Variants in UPF2 observed in about 807,000 individuals in gnomAD.
UPF2 encodes the protein UPF2 regulator of nonsense mediated mRNA decay.
Under a neutral mutation model 141.4 loss-of-function variants are expected in UPF2, and 17 were observed. The observed-to-expected ratio is 0.12, with a 90% CI of 0.08 to 0.18. UPF2 has a LOEUF of 0.18. Ranked by LOEUF, UPF2 falls within the 10% of genes least tolerant of loss-of-function variation. The pLI is 1.00. For synonymous variants in UPF2, 540 were observed against 498.0 expected (o/e 1.08, Z -1.12); for missense variants, 1,152 against 1,515.9 (o/e 0.76, Z 3.99).
chr10:12,036,844 G>A (rs1834634430), intron 1 of UPF2, among the ~76,000 whole-genome samples: 1 of 152,130 alleles, frequency 6.6e-6, no homozygotes, highest in South Asian at 2.1e-4. Context: ...TGACTAACAT[G>A]GAGAAATCTC....
intron 18 of UPF2, among the ~76,000 whole-genome samples, chr10:11,938,868 T>TTGTTTTTTGTTTTG (rs1832896411): frequency 1.1e-5 from 1 of 90,822 alleles, no homozygotes; most frequent in South Asian, 4.9e-4. Context: ...TTTTTTTTTT[T>TTGTTTTTTGTTTTG]TTTTTTTTTT....
intron 9 of UPF2, among the ~76,000 whole-genome samples, chr10:11,970,951 G>A (rs1833407149): frequency 5.3e-5 from 8 of 151,904 alleles, no homozygotes; most frequent in Admixed American, 5.2e-4. Flanking sequence ...TTCATCATCT[G>A]CTATGGAGTA....
chr10:11,998,581 G>T lies in UPF2; in HGVS notation c.1759-824C>A, dbSNP rs1466179816. ...TAAAAATCGCTCCTTGGATGGGCAC[G>T]GTGGCTCACACCTGTAATTCTAGCA... On this transcript the variant is annotated intron_variant, in intron 7 of 21. Transcript: ENST00000357604. The surrounding 1 kb of genome is among the most constrained non-coding windows in gnomAD (Gnocchi z 4.5). Among the ~76,000 whole-genome samples, 1 of 152,110 alleles carries T rather than the reference G, an allele frequency of 6.6e-6. No homozygotes were observed. The highest frequency in any genetic ancestry group is 2.4e-5 in the African/African-American group (1 of 41,428).
intron 9 of UPF2, among the ~76,000 whole-genome samples, chr10:11,974,750 C>T (rs1833478472): frequency 6.6e-6 from 1 of 152,116 alleles, no homozygotes; most frequent in African/African-American, 2.4e-5. Flanking sequence ...GGCGGATAAG[C>T]TTTTTGATGT....
chr10:12,022,997 T>A (rs894886018), intron 3 of UPF2, among the ~76,000 whole-genome samples: 2 of 152,126 alleles, frequency 1.3e-5, no homozygotes, highest in Admixed American at 6.6e-5. Flanking sequence ...GAGAAACTTG[T>A]TACCACTTCC....
In UPF2 at chr10:11,935,428, G is replaced by T. The variant is rs1194517272; in HGVS notation, c.3546+1117C>A. 6.6e-6 allele frequency among the ~76,000 whole-genome samples: 1 copy of T among 152,136 alleles called. No individual in the cohort carries two copies. The highest frequency in any genetic ancestry group is 1.5e-5 in the Non-Finnish European group (1 of 68,034). On this transcript the variant is annotated intron_variant, in intron 19 of 21. Coordinates refer to ENST00000357604, the MANE Select transcript of UPF2 (RefSeq NM_015542.4). This position sits in a 1 kb window ranked among gnomAD's most constrained non-coding sequence, Gnocchi z 4.9. ...ATTGGACTTGTCTAAGATAACTGTG[G>T]CAGCTACCATATGCAACAAAATCTA...
At chr10:12,035,034 C>T (rs778291826) in intron 2 of UPF2, 25 bp downstream of exon 2, 2 of 1,532,724 alleles carry the variant, frequency 1.3e-6, no homozygotes, top group South Asian at 1.3e-5. Context: ...TCCCTCACAT[C>T]AATAAATACA....
chr10:11,956,262 G>T lies in UPF2; in HGVS notation c.2574+58C>A. On this transcript the variant is annotated intron_variant, in intron 13 of 21. Transcript: ENST00000357604. This position sits in a 1 kb window ranked among gnomAD's most constrained non-coding sequence, Gnocchi z 4.2. The stretch of plus-strand genomic sequence containing the variant: ...TAACTTGAGTCTCAATAGTAACCTA[G>T]AAATAATAAATTCTCCACGAATTCC... 1 of 1,517,478 alleles carries T rather than the reference G, an allele frequency of 6.6e-7. No homozygotes were observed. The highest frequency in any genetic ancestry group is 2.3e-5 in the East Asian group (1 of 44,342). 94.0% of individuals were successfully genotyped at this position (1,517,478 alleles called of 1,614,324 possible).
rs1469981713 is a variant in UPF2, at chr10:11,921,115, T to C, written c.*183A>G. The C allele has an allele frequency of 2.4e-6, 2 of 841,616 alleles. No individual in the cohort carries two copies. Among genetic ancestry groups the C allele is most frequent in the African/African-American group, 1.7e-5 (1 of 60,340 alleles). The allele number at this position is 841,616 out of a possible 1,614,324, so 52.1% of individuals were successfully genotyped here. On this transcript the variant is annotated 3_prime_UTR_variant, in exon 22 of 22. Coordinates refer to ENST00000357604, the MANE Select transcript of UPF2 (RefSeq NM_015542.4). The surrounding 1 kb of genome is among the most constrained non-coding windows in gnomAD (Gnocchi z 5.9). ...TTCCGCCTTGTCTGGAAGCGTCGGC[T>C]TGTTCCGGTGTTGGCAGAGGCTGGT...
intron 18 of UPF2, among the ~76,000 whole-genome samples, chr10:11,938,316 A>G (rs921184254): frequency 6.6e-6 from 1 of 152,012 alleles, no homozygotes; most frequent in Non-Finnish European, 1.5e-5. Context: ...TTTTTTTTAA[A>G]TGATCCTTCC....
At chr10:12,024,688 T>C (rs575853847) in intron 3 of UPF2, among the ~76,000 whole-genome samples, 1 of 152,004 alleles carries the variant, frequency 6.6e-6, no homozygotes, top group East Asian at 1.9e-4. Context: ...ATCCCAACAC[T>C]TTGGGAGGCC....
intron 1 of UPF2, among the ~76,000 whole-genome samples, chr10:12,039,246 A>C (rs1834691737): frequency 6.6e-6 from 1 of 152,196 alleles, no homozygotes; most frequent in Non-Finnish European, 1.5e-5. Flanking sequence ...CTGGTGACAG[A>C]ATGGGAATCT....
chr10:11,994,560 A>G (rs1250286502), intron 8 of UPF2, among the ~76,000 whole-genome samples: 3 of 152,216 alleles, frequency 2.0e-5, no homozygotes, highest in Admixed American at 1.3e-4. Flanking sequence ...ATTTTGAGCT[A>G]TAGAGCCTTA....
At position 11,997,756 on chromosome 10, in the gene UPF2, G is replaced by A; in HGVS notation, c.1760C>T (p.Ala587Val). The change falls in exon 8 of 22, where the codon GCA (alanine) becomes GTA (valine). Residue 587 changes from alanine to valine, a missense_variant and splice_region_variant. By Grantham distance (64) the Ala-to-Val change is moderately conservative. Around this residue, in one of 4 missense-constraint regions of UPF2, gnomAD observed 739 missense variants for 1,032.2 expected, o/e 0.72. Transcript: ENST00000357604. ...NCVNRDLIDK[A>V]AMDFCMNMNT... ...CATGTTCATGCAAAAATCCATTGCT[G>A]CCTATTGGGAAAAAGTAAACTTTTT... 1 of 1,613,600 alleles carries A rather than the reference G, an allele frequency of 6.2e-7. No individual in the cohort carries two copies. Among genetic ancestry groups the A allele is most frequent in the Non-Finnish European group, 8.5e-7 (1 of 1,179,758 alleles).
At chr10:11,976,497 C>T (rs976788655) in intron 9 of UPF2, among the ~76,000 whole-genome samples, 3 of 152,090 alleles carry the variant, frequency 2.0e-5, no homozygotes, top group Admixed American at 2.0e-4. Context: ...ATGGGAAATA[C>T]AGAAGCAGAT....
rs758077264 is a variant in UPF2 at position 11,980,720 on chromosome 10, C to T, written c.1845-1555G>A. ...TGCAATCCAGCCTGGGCAACAAGAGCGAAACTCCATCTCAAAAAAAGATTA... is the reference window on the plus strand; with the variant it reads ...TGCAATCCAGCCTGGGCAACAAGAGTGAAACTCCATCTCAAAAAAAGATTA... On this transcript the variant is annotated intron_variant, in intron 8 of 21. Transcript: ENST00000357604. This position sits in a 1 kb window ranked among gnomAD's most constrained non-coding sequence, Gnocchi z 4.2. Among the ~76,000 whole-genome samples, 3 of 151,830 alleles carry T rather than the reference C, an allele frequency of 2.0e-5. No individual in the cohort carries two copies. The highest frequency in any genetic ancestry group is 2.9e-5 in the Non-Finnish European group (2 of 67,974).
rs147399647 is a variant in UPF2 at position 11,979,150 on chromosome 10, T to C, written c.1860A>G (p.Pro620=). 23 of 1,612,844 alleles carry C rather than the reference T, an allele frequency of 1.4e-5. No individual in the cohort carries two copies. In the African/African-American group the frequency reaches 2.8e-4, roughly 20 times the overall value. The change falls in exon 9 of 22, where the codon CCA becomes CCG. Residue 620 remains proline, a synonymous_variant. Transcript: ENST00000357604. This position sits in a 1 kb window ranked among gnomAD's most constrained non-coding sequence, Gnocchi z 6.2. ...ATGTAGCAACCAATCTTGCATAAAA[T>C]GGTAGCAAATCCAACCTGCAAAAGT... ...IVPRQRLDLL[P]FYARLVATLH...
chr10:11,993,285 T>A (rs535950101), intron 8 of UPF2, among the ~76,000 whole-genome samples: 15 of 152,108 alleles, frequency 9.9e-5, no homozygotes, highest in African/African-American at 3.6e-4. Context: ...AATTCACAAT[T>A]AAGTTTTATC....
At position 11,998,376 on chromosome 10, in the gene UPF2, T is replaced by C. The variant is rs1288113210; in HGVS notation, c.1759-619A>G. Among the ~76,000 whole-genome samples, 1 of 152,056 alleles carries C rather than the reference T, an allele frequency of 6.6e-6. No individual in the cohort carries two copies. The highest frequency in any genetic ancestry group is 1.5e-5 in the Non-Finnish European group (1 of 67,998). Reference sequence around the variant, plus strand: ...AACAGGGAATTTATCTAGATGACCATTACCACCTGGACAGACTTTTTTCTG... The same window carrying C: ...AACAGGGAATTTATCTAGATGACCACTACCACCTGGACAGACTTTTTTCTG... On this transcript the variant is annotated intron_variant, in intron 7 of 21. Coordinates refer to ENST00000357604, the MANE Select transcript of UPF2 (RefSeq NM_015542.4). This position sits in a 1 kb window ranked among gnomAD's most constrained non-coding sequence, Gnocchi z 4.5.
Sources: allele counts gnomAD v4.1 joint callset (sites outside exome capture counted in the v4.1 genomes callset), GRCh38; gene constraint gnomAD v4.1.1; regional missense constraint gnomAD v4.1.1; non-coding constraint Gnocchi (gnomAD v3.1); transcripts MANE v1.5; gene names NCBI Gene and HGNC (gene_info 2026-07-23, HGNC 2026-07-21).